IKBKB-DT: variants seen among roughly 807,000 people sequenced by gnomAD.
IKBKB-DT encodes IKBKB divergent transcript.
chr8:42,270,876 T>C (rs1807597844), exon 1 of IKBKB-DT: 2 of 161,368 alleles, frequency 1.2e-5, no homozygotes, highest in South Asian at 2.7e-4. Flanking sequence ...TGATTGATCC[T>C]TCTCCACACC....
chr8:42,268,004 C>T (rs868007556), intron 1 of IKBKB-DT, among the ~76,000 whole-genome samples: 30 of 152,152 alleles, frequency 2.0e-4, no homozygotes, highest in Middle Eastern at 6.8e-3. Flanking sequence ...GGCATATTAG[C>T]GGACATCTTG....
chr8:42,237,518 C>T (rs373656184), intron 3 of IKBKB-DT, among the ~76,000 whole-genome samples: 3 of 152,160 alleles, frequency 2.0e-5, no homozygotes, highest in South Asian at 2.1e-4. Flanking sequence ...TAAGGTGTTT[C>T]TAGGGTTCCC....
intron 3 of IKBKB-DT, chr8:42,263,272 C>T (rs987529234): frequency 6.6e-6 from 1 of 152,350 alleles, no homozygotes; most frequent in African/African-American, 2.4e-5. Context: ...CTTGGCCTCC[C>T]AAAGTGCTGG....
intron 3 of IKBKB-DT, among the ~76,000 whole-genome samples, chr8:42,236,478 C>G (rs1402646621): frequency 6.6e-6 from 1 of 152,148 alleles, no homozygotes; most frequent in African/African-American, 2.4e-5. Context: ...TAAAATAAAT[C>G]ACAGGGGCTG....
At position 42,241,996 on chromosome 8, in the gene IKBKB-DT, C is replaced by CTTGA. The variant is rs564079232; in HGVS notation, n.1530-8141_1530-8138dup. On this transcript the variant is annotated intron_variant and non_coding_transcript_variant, in intron 3 of 3. Transcript: ENST00000518213. ...TGGGAGGCCGAAGCGGGCGGATCAC[C>CTTGA]TTGAGGTCAGGAGTTTGAAGCTGGC... 4.7e-3 allele frequency among the ~76,000 whole-genome samples: 719 copies of CTTGA among 152,218 alleles called. 12 individuals carry two copies. The highest frequency in any genetic ancestry group is 0.017 in the African/African-American group (687 of 41,538).
At chr8:42,242,919 T>G (rs1807022041) in intron 3 of IKBKB-DT, among the ~76,000 whole-genome samples, 2 of 152,158 alleles carry the variant, frequency 1.3e-5, no homozygotes, top group African/African-American at 4.8e-5. Flanking sequence ...AAATGCAGGG[T>G]CTGTCAGTTG....
chr8:42,251,400 G>A (rs1764990663), intron 3 of IKBKB-DT, among the ~76,000 whole-genome samples: 1 of 152,154 alleles, frequency 6.6e-6, no homozygotes, highest in Non-Finnish European at 1.5e-5. Flanking sequence ...GGTTAGTGCA[G>A]GGAAGAACAA....
chr8:42,255,606 C>T (rs1054381927), intron 3 of IKBKB-DT: 8 of 152,206 alleles, frequency 5.3e-5, no homozygotes, highest in African/African-American at 1.9e-4. Flanking sequence ...TTAAAACTGT[C>T]TGATCATATC....
intron 3 of IKBKB-DT, among the ~76,000 whole-genome samples, chr8:42,238,601 G>A (rs144410188): frequency 2.7e-4 from 41 of 152,290 alleles, no homozygotes; most frequent in African/African-American, 8.4e-4. Context: ...TAGGAGTCAC[G>A]GAGCCAGAGG....
intron 1 of IKBKB-DT, among the ~76,000 whole-genome samples, chr8:42,268,605 C>T (rs867184605): frequency 1.3e-5 from 2 of 149,902 alleles, no homozygotes; most frequent in Non-Finnish European, 1.5e-5. Context: ...CTCGCTCTGT[C>T]GCCCACGTTG....
At chr8:42,270,414 A>C (rs1807556206) in intron 1 of IKBKB-DT, 1 of 152,310 alleles carries the variant, frequency 6.6e-6, no homozygotes, top group African/African-American at 2.4e-5. Flanking sequence ...TGATCACACC[A>C]CTGCACTCCA....
chr8:42,258,553 C>T (rs993686749), intron 3 of IKBKB-DT, among the ~76,000 whole-genome samples: 1 of 151,912 alleles, frequency 6.6e-6, no homozygotes, highest in Non-Finnish European at 1.5e-5. Context: ...ACTGCAACCT[C>T]CGCCTCCTGG....
chr8:42,236,411 T>C (rs1252983734), intron 3 of IKBKB-DT, among the ~76,000 whole-genome samples: 1 of 152,218 alleles, frequency 6.6e-6, no homozygotes, highest in East Asian at 1.9e-4. Context: ...AAAGACTTCA[T>C]TTAGATTTTG....
chr8:42,245,764 T>C (rs947902509), intron 3 of IKBKB-DT, among the ~76,000 whole-genome samples: 2 of 152,194 alleles, frequency 1.3e-5, no homozygotes, highest in Non-Finnish European at 2.9e-5. Context: ...TGGAAAGCAG[T>C]TGGGCAAGAA....
intron 3 of IKBKB-DT, among the ~76,000 whole-genome samples, chr8:42,250,537 C>T (rs1197787266): frequency 6.6e-6 from 1 of 152,156 alleles, no homozygotes; most frequent in Non-Finnish European, 1.5e-5. Context: ...TGGGGAAGGG[C>T]TACTATCGTT....
intron 1 of IKBKB-DT, chr8:42,270,561 A>C (rs1807569132): frequency 6.6e-6 from 1 of 152,084 alleles, no homozygotes; most frequent in Non-Finnish European, 1.5e-5. Flanking sequence ...CTGTGTAAGC[A>C]CTCTATAGAT....
intron 3 of IKBKB-DT, among the ~76,000 whole-genome samples, chr8:42,262,942 T>C (rs1159972428): frequency 6.6e-6 from 1 of 151,904 alleles, no homozygotes; most frequent in Non-Finnish European, 1.5e-5. Flanking sequence ...GGTCTTGCTG[T>C]GTTGGCCAGG....
At chr8:42,268,247 G>C (rs1301191428) in intron 1 of IKBKB-DT, among the ~76,000 whole-genome samples, 1 of 150,492 alleles carries the variant, frequency 6.6e-6, no homozygotes, top group Non-Finnish European at 1.5e-5. Flanking sequence ...CGATTCTCCT[G>C]CCTCAGCCTC....
intron 1 of IKBKB-DT, among the ~76,000 whole-genome samples, chr8:42,268,755 C>T (rs947305780): frequency 2.0e-5 from 3 of 151,552 alleles, no homozygotes; most frequent in African/African-American, 4.8e-5. Context: ...TTCGTAGAGA[C>T]GTGGTTTCAC....
Sources: allele counts gnomAD v4.1 joint callset (sites outside exome capture counted in the v4.1 genomes callset), GRCh38; gene constraint gnomAD v4.1.1; transcripts MANE v1.5; gene names NCBI Gene and HGNC (gene_info 2026-07-23, HGNC 2026-07-21).